Variants in CALN1 observed in about 807,000 individuals in gnomAD.
CALN1 encodes the protein calneuron 1.
In CALN1, 17 loss-of-function variants were observed where a neutral mutation model predicts 30.6. The observed-to-expected ratio is 0.56, with a 90% CI of 0.38 to 0.83. CALN1 has a LOEUF of 0.83. Ranked by LOEUF, CALN1 falls within the 40% of genes least tolerant of loss-of-function variation. The pLI is 0.00. For missense variants in CALN1, 291 were observed against 354.9 expected (o/e 0.82, Z 1.45); for synonymous variants, 156 against 131.4 (o/e 1.19, Z -1.28).
At chr7:72,387,287 AGGGAGGGAGGG>A (rs1805281723) in intron 2 of CALN1, among the ~76,000 whole-genome samples, 1 of 76,676 alleles carries the variant, frequency 1.3e-5, no homozygotes, top group African/African-American at 5.7e-5. Flanking sequence ...GGAGGGAGGG[AGGGAGGGAGGG>A]AGGGAGGGAG....
intron 3 of CALN1, among the ~76,000 whole-genome samples, chr7:72,151,472 T>G (rs553043580): frequency 5.5e-4 from 84 of 152,270 alleles, no homozygotes; most frequent in African/African-American, 1.9e-3. Flanking sequence ...CACATTCTGA[T>G]GTACTTGAGG....
intron 5 of CALN1, among the ~76,000 whole-genome samples, chr7:71,915,815 A>G (rs1402482353): frequency 6.6e-6 from 1 of 152,068 alleles, no homozygotes; most frequent in Non-Finnish European, 1.5e-5. Context: ...AACTACCTTT[A>G]GTGGACCCAG....
the CALN1 span, among the ~76,000 whole-genome samples, chr7:72,457,942 G>A: frequency 3.3e-5 from 5 of 150,646 alleles, no homozygotes; most frequent in African/African-American, 1.2e-4. Context: ...TTTTTGTAGA[G>A]ATAGGGTTTT....
chr7:72,353,359 T>C (rs1396102884), intron 2 of CALN1, among the ~76,000 whole-genome samples: 2 of 152,108 alleles, frequency 1.3e-5, no homozygotes, highest in Non-Finnish European at 2.9e-5. Context: ...CAGCAATATA[T>C]AAAAAGGATA....
intron 2 of CALN1, among the ~76,000 whole-genome samples, chr7:72,353,042 A>T (rs1332763504): frequency 6.6e-6 from 1 of 152,202 alleles, no homozygotes; most frequent in African/African-American, 2.4e-5. Context: ...AGACCCATGG[A>T]GATATAAAAA....
At chr7:72,350,114 T>C (rs755388578) in intron 2 of CALN1, among the ~76,000 whole-genome samples, 11 of 152,166 alleles carry the variant, frequency 7.2e-5, no homozygotes, top group Admixed American at 1.3e-4. Flanking sequence ...AGAATTGATT[T>C]TTGCATATGT....
intron 2 of CALN1, among the ~76,000 whole-genome samples, chr7:72,397,714 TCACACACACA>T (rs3138810): frequency 2.6e-4 from 37 of 142,910 alleles, no homozygotes; most frequent in East Asian, 1.9e-3. Context: ...CCATTCTCTC[TCACACACACA>T]CACACACACA....
At chr7:72,361,169 T>G (rs148721238) in intron 2 of CALN1, among the ~76,000 whole-genome samples, 15 of 152,280 alleles carry the variant, frequency 9.9e-5, no homozygotes, top group African/African-American at 3.4e-4. Context: ...CAAATCAAGA[T>G]GAAGCATCAA....
Position 72,121,163 on chromosome 7 carries a change from A to G in CALN1, c.245-14869T>C, listed in dbSNP as rs1584984585. On this transcript the variant is annotated intron_variant, in intron 3 of 6. Transcript: ENST00000395275. ...GAATTATATATTATATATAAAATCT[A>G]TATTATATATAATTATATATTATGT... Among the ~76,000 whole-genome samples the G allele has an allele frequency of 2.1e-5, 3 of 144,806 alleles. No homozygotes were observed. The Admixed American group carries it at 2.1e-4, about 10-fold the overall frequency. 95.0% of individuals were successfully genotyped at this position (144,806 alleles called of 152,430 possible).
At chr7:72,359,414 T>C (rs952587014) in intron 2 of CALN1, among the ~76,000 whole-genome samples, 1 of 152,232 alleles carries the variant, frequency 6.6e-6, no homozygotes, top group African/African-American at 2.4e-5. Context: ...AGAGATATTT[T>C]ACATATATCT....
intron 1 of CALN1, among the ~76,000 whole-genome samples, chr7:72,426,175 T>C (rs1267951539): frequency 6.6e-6 from 1 of 152,232 alleles, no homozygotes; most frequent in African/African-American, 2.4e-5. Context: ...CTCACCTGGA[T>C]GAAGGGCCAG....
intron 5 of CALN1, among the ~76,000 whole-genome samples, chr7:71,855,433 G>T (rs1003371857): frequency 1.4e-5 from 2 of 143,208 alleles, no homozygotes; most frequent in Admixed American, 1.4e-4. Context: ...TTCATCTTAG[G>T]AGCCTTGGTA....
intron 3 of CALN1, among the ~76,000 whole-genome samples, chr7:72,271,208 G>A (rs1456044522): frequency 6.6e-6 from 1 of 152,002 alleles, no homozygotes; most frequent in Non-Finnish European, 1.5e-5. Flanking sequence ...AGGACTACAG[G>A]TACTAGGTCT....
At chr7:72,294,783 C>T (rs948471645) in intron 2 of CALN1, among the ~76,000 whole-genome samples, 4 of 98,628 alleles carry the variant, frequency 4.1e-5, no homozygotes, top group Non-Finnish European at 7.6e-5. Flanking sequence ...TAAATAAATA[C>T]AGATTTTTAA....
chr7:71,993,213 GC>G lies in CALN1; in HGVS notation c.501+30443del, dbSNP rs1349010219. On this transcript the variant is annotated intron_variant, in intron 5 of 6. Coordinates refer to ENST00000395275, the MANE Select transcript of CALN1 (RefSeq NM_031468.4). ...AGAGGCCCAGGAAGACATATCACCA[GC>G]CTCTGTTGCCACCTTGACTGCCCAT... Among the ~76,000 whole-genome samples the G allele has an allele frequency of 1.2e-4, 19 of 152,262 alleles. No homozygotes were observed. The East Asian group carries it at 3.7e-3, about 29-fold the overall frequency.
chr7:71,908,842 A>G (rs1054968235), intron 5 of CALN1, among the ~76,000 whole-genome samples: 1 of 152,222 alleles, frequency 6.6e-6, no homozygotes, highest in Non-Finnish European at 1.5e-5. Flanking sequence ...AACTTGGTCC[A>G]TTGATTCAGG....
rs1434262159 is a variant in CALN1, at chr7:72,025,116, G to C, written c.389-1347C>G. On this transcript the variant is annotated intron_variant, in intron 4 of 6. Coordinates refer to ENST00000395275, the MANE Select transcript of CALN1 (RefSeq NM_031468.4). ...ACCTGAGGTCAGGAGTTCTTGACCA[G>C]CCTGACCAACATGGTGAAACCCTGT... is the stretch of plus-strand genomic sequence containing the variant. Among the ~76,000 whole-genome samples, 3 of 152,196 alleles carry C rather than the reference G, an allele frequency of 2.0e-5. 1 individual carries two copies. In the East Asian group the frequency reaches 5.8e-4, roughly 30 times the overall value.
chr7:72,066,304 C>T (rs950646804), intron 4 of CALN1, among the ~76,000 whole-genome samples: 3 of 152,182 alleles, frequency 2.0e-5, no homozygotes, highest in African/African-American at 7.2e-5. Context: ...CCCTGGGGCA[C>T]GTTACTGGGA....
At chr7:72,090,050 C>T (rs1805747844) in intron 4 of CALN1, among the ~76,000 whole-genome samples, 2 of 152,346 alleles carry the variant, frequency 1.3e-5, no homozygotes, top group African/African-American at 4.8e-5. Flanking sequence ...GTAATCCCAG[C>T]ACTTTGGGAG....
Sources: allele counts gnomAD v4.1 joint callset (sites outside exome capture counted in the v4.1 genomes callset), GRCh38; gene constraint gnomAD v4.1.1; transcripts MANE v1.5; gene names NCBI Gene and HGNC (gene_info 2026-07-23, HGNC 2026-07-21).